The following TMEM68 variants were observed in gnomAD, a reference collection of about 807,000 sequenced individuals.
The protein encoded by TMEM68 is transmembrane protein 68.
In TMEM68, 25 loss-of-function variants were observed where a neutral mutation model predicts 36.9. That is an observed-to-expected ratio of 0.68 (90% CI 0.49 to 0.95). TMEM68 has a LOEUF of 0.95. Ranked by LOEUF, TMEM68 falls within the 40% of genes least tolerant of loss-of-function variation. The probability of loss-of-function intolerance (pLI) is 0.00; values close to 1 mark genes in which losing one functional copy is unlikely to be tolerated. For synonymous variants in TMEM68, 131 were observed against 124.4 expected, an observed-to-expected ratio of 1.05 and a Z score of -0.35; for missense variants, 333 against 392.0, an observed-to-expected ratio of 0.85 and a Z score of 1.27.
At chr8:55,741,580 C>CAG (rs1810103978) in intron 7 of TMEM68, among the ~76,000 whole-genome samples, 2 of 152,150 alleles carry the variant, frequency 1.3e-5, no homozygotes. Flanking sequence ...AGAAAGTGTT[C>CAG]AGAAGTTCAG....
Position 55,757,006 on chromosome 8 carries a change from G to A in TMEM68, c.326-595C>T, listed in dbSNP as rs958535699. ...GGGGAAGGCAGCAATGATGGGAGATGGGTTACACACAGGGGGACTGATCAA... is the reference window on the plus strand; with the variant it reads ...GGGGAAGGCAGCAATGATGGGAGATAGGTTACACACAGGGGGACTGATCAA... On this transcript the variant is annotated intron_variant, in intron 3 of 7. Coordinates refer to ENST00000434581, the MANE Select transcript of TMEM68 (RefSeq NM_001286657.2). Among the ~76,000 whole-genome samples the A allele has an allele frequency of 1.1e-4, 17 of 152,156 alleles. No individual in the cohort carries two copies. In the East Asian group the frequency reaches 3.1e-3, roughly 28 times the overall value.
intron 1 of TMEM68, among the ~76,000 whole-genome samples, chr8:55,770,241 A>G (rs1293515633): frequency 1.3e-5 from 2 of 152,196 alleles, no homozygotes; most frequent in Non-Finnish European, 2.9e-5. Context: ...TTTCTTTGAT[A>G]TATCTCTCTT....
At chr8:55,752,035 C>T (rs1031280200) in intron 4 of TMEM68, among the ~76,000 whole-genome samples, 12 of 151,982 alleles carry the variant, frequency 7.9e-5, no homozygotes, top group Admixed American at 3.3e-4. Context: ...GTGGTGAAAC[C>T]CTGCCTCTAC....
At chr8:55,769,421 G>C (rs1811083364) in intron 1 of TMEM68, among the ~76,000 whole-genome samples, 1 of 151,616 alleles carries the variant, frequency 6.6e-6, no homozygotes. Flanking sequence ...TAGGAGAGGA[G>C]ATAATTGTTA....
At chr8:55,755,597 T>C (rs1376759081) in intron 4 of TMEM68, among the ~76,000 whole-genome samples, 1 of 152,004 alleles carries the variant, frequency 6.6e-6, no homozygotes, top group Non-Finnish European at 1.5e-5. Context: ...ATGACTTTTT[T>C]TTTTTTTTTA....
chr8:55,755,950 A>T (rs1024795800), intron 4 of TMEM68, among the ~76,000 whole-genome samples: 6 of 152,004 alleles, frequency 3.9e-5, no homozygotes, highest in Non-Finnish European at 7.4e-5. Context: ...ATTATTTTTT[A>T]AAAACATTAT....
At position 55,771,214 on chromosome 8, in the gene TMEM68, T is replaced by C. The variant is rs141359886; in HGVS notation, c.-115+2055A>G. 2.4e-3 allele frequency among the ~76,000 whole-genome samples: 359 copies of C among 151,652 alleles called. 3 individuals carry two copies. Among genetic ancestry groups the C allele is most frequent in the Non-Finnish European group, 3.8e-3 (255 of 67,942 alleles). Reference sequence around the variant, plus strand: ...ACCATATTGACATTGATGGTGAGGATATGGACCTTACAGATGTTTAAAATC... The same window carrying C: ...ACCATATTGACATTGATGGTGAGGACATGGACCTTACAGATGTTTAAAATC... On this transcript the variant is annotated intron_variant, in intron 1 of 7. Coordinates refer to ENST00000434581, the MANE Select transcript of TMEM68 (RefSeq NM_001286657.2).
In TMEM68 at chr8:55,762,919, G is replaced by A. The variant is rs1343500736; in HGVS notation, c.41C>T (p.Ser14Phe). Reference sequence around the variant, plus strand: ...AATCAGACAAATCATATAGGGCACAGAATCCTGTCCTACACCACAGGTTTG... The same window carrying A: ...AATCAGACAAATCATATAGGGCACAAAATCCTGTCCTACACCACAGGTTTG... ...KNQTCGVGQD[S>F]VPYMICLIHI... The change falls in exon 3 of 8, where the codon TCT (serine) becomes TTT (phenylalanine). Residue 14 changes from serine (S) to phenylalanine (F), a missense_variant. Coordinates refer to ENST00000434581, the MANE Select transcript of TMEM68 (RefSeq NM_001286657.2). 4 of 1,613,034 alleles carry A rather than the reference G, an allele frequency of 2.5e-6. No individual in the cohort carries two copies. The South Asian group carries it at 4.4e-5, about 18-fold the overall frequency.
Position 55,743,539 on chromosome 8 carries a change from T to C in TMEM68, c.830A>G (p.Tyr277Cys), listed in dbSNP as rs998214634. Residue 277 changes from tyrosine to cysteine, a missense_variant, in exon 7 of 8, where the codon TAT becomes TGT. By Grantham distance (194) the Tyr-to-Cys change is radical. Coordinates refer to ENST00000434581, the MANE Select transcript of TMEM68 (RefSeq NM_001286657.2). The part of the protein sequence containing the change: ...YGGFPVKLRT[Y>C]LGDPIPYDPQ... ...GTCATACGGAATGGGGTCGCCTAAA[T>C]AGGTCCGTAACTTCACTGGAAAACC... The C allele has an allele frequency of 1.2e-5, 19 of 1,535,864 alleles. No homozygotes were observed. Among genetic ancestry groups the C allele is most frequent in the Admixed American group, 5.9e-5 (3 of 50,976 alleles).
chr8:55,772,468 C>T (rs966837526), intron 1 of TMEM68, among the ~76,000 whole-genome samples: 41 of 152,172 alleles, frequency 2.7e-4, no homozygotes, highest in Non-Finnish European at 1.5e-5. Flanking sequence ...TCCATTTTCT[C>T]CATCCTATTT....
intron 1 of TMEM68, among the ~76,000 whole-genome samples, chr8:55,766,179 C>G (rs1014041390): frequency 2.7e-5 from 4 of 148,708 alleles, no homozygotes; most frequent in African/African-American, 7.5e-5. Flanking sequence ...GAAGACTTCT[C>G]TAAAAGATAT....
At position 55,762,486 on chromosome 8, in the gene TMEM68, A is replaced by C. The variant is rs539517618; in HGVS notation, c.325+149T>G. On this transcript the variant is annotated intron_variant, in intron 3 of 7. Transcript: ENST00000434581. ...TTTTAAGAAAGACACATACATATGC[A>C]CAATGCATGCAAACAGGTAACAGGG... 12 of 1,430,144 alleles carry C rather than the reference A, an allele frequency of 8.4e-6. No homozygotes were observed. In the South Asian group the frequency reaches 1.3e-4, roughly 15 times the overall value. 88.6% of individuals were successfully genotyped at this position (1,430,144 alleles called of 1,614,324 possible). A position where few individuals can be genotyped will look rare whatever the true frequency, so the allele number is the denominator to read the frequency against.
intron 4 of TMEM68, 130 bp downstream of exon 4, chr8:55,756,114 A>C: frequency 1.8e-6 from 1 of 549,224 alleles, no homozygotes; most frequent in South Asian, 3.9e-5. Context: ...GAGTTCCAAG[A>C]GTGTTATACA....
chr8:55,743,835 A>G (rs6474011), intron 6 of TMEM68, among the ~76,000 whole-genome samples: 106,542 of 151,990 alleles, frequency 0.7, 37,492 homozygotes, highest in African/African-American at 0.76. Flanking sequence ...AAACTAGGGG[A>G]TGGTGAGAAG....
chr8:55,745,813 T>C (rs1271763781), intron 5 of TMEM68: 4 of 152,160 alleles, frequency 2.6e-5, no homozygotes, highest in African/African-American at 7.2e-5. Flanking sequence ...CCTCCAACCT[T>C]AGTTTCCCAA....
At chr8:55,766,905 C>G (rs1290277925) in intron 1 of TMEM68, among the ~76,000 whole-genome samples, 4 of 152,148 alleles carry the variant, frequency 2.6e-5, no homozygotes, top group East Asian at 3.9e-4. Flanking sequence ...ATAATGCCAA[C>G]AGGATTTGCT....
At position 55,763,047 on chromosome 8, in the gene TMEM68, C is replaced by T. The variant is rs1810850412; in HGVS notation, c.-69-19G>A. 7.3e-7 allele frequency: 1 copy of T among 1,360,894 alleles called. No homozygotes were observed. Among genetic ancestry groups the T allele is most frequent in the South Asian group, 1.5e-5 (1 of 66,378 alleles). The allele number at this position is 1,360,894 out of a possible 1,614,324, so 84.3% of individuals were successfully genotyped here. On this transcript the variant is annotated intron_variant, in intron 2 of 7. Coordinates refer to ENST00000434581, the MANE Select transcript of TMEM68 (RefSeq NM_001286657.2). ...TTTGACACTAGAAGGGAAAAATAATCCAGTATTATTTTCTCCACAGCTATA... is the reference window on the plus strand; with the variant it reads ...TTTGACACTAGAAGGGAAAAATAATTCAGTATTATTTTCTCCACAGCTATA...
At position 55,772,820 on chromosome 8, in the gene TMEM68, C is replaced by CA. The variant is rs1016918159; in HGVS notation, c.-115+448dup. ...CTCTACCCACGCGGCTTTCCCCCTACACTCTCGGGATCACCACACACTTCC... is the reference window on the plus strand; with the variant it reads ...CTCTACCCACGCGGCTTTCCCCCTACAACTCTCGGGATCACCACACACTTCC... On this transcript the variant is annotated intron_variant, in intron 1 of 7. Transcript: ENST00000434581. Among the ~76,000 whole-genome samples the CA allele has an allele frequency of 5.2e-4, 79 of 152,336 alleles. 1 individual carries two copies. The highest frequency in any genetic ancestry group is 1.8e-3 in the African/African-American group (75 of 41,572).
At chr8:55,768,524 G>C (rs1811046762) in intron 1 of TMEM68, among the ~76,000 whole-genome samples, 1 of 151,880 alleles carries the variant, frequency 6.6e-6, no homozygotes, top group African/African-American at 2.4e-5. Context: ...AGACCAGCCA[G>C]GCAATATAGT....
Sources: gnomAD v4.1 joint callset for allele counts (sites outside exome capture counted in the v4.1 genomes callset) on GRCh38, gnomAD v4.1.1 for gene constraint, MANE v1.5 for transcripts, NCBI Gene and HGNC (gene_info 2026-07-23, HGNC 2026-07-21) for gene names.